FOXK2: variants seen among roughly 807,000 people sequenced by gnomAD.
The protein encoded by FOXK2 is forkhead box protein K2.
A neutral mutation model predicts 53.3 loss-of-function variants in FOXK2; 24 were observed. The ratio of observed to expected loss-of-function variants is 0.45; its 90% confidence interval spans 0.33 to 0.63. The LOEUF is 0.63. Ranked by LOEUF, FOXK2 falls within the 30% of genes least tolerant of loss-of-function variation. The pLI is 0.03. For missense variants in FOXK2, 952 were observed against 910.5 expected, an observed-to-expected ratio of 1.05 and a Z score of -0.59; for synonymous variants, 505 against 407.1, an observed-to-expected ratio of 1.24 and a Z score of -2.89.
At chr17:82,584,921 G>A (rs1043529577) in intron 6 of FOXK2, among the ~76,000 whole-genome samples, 1 of 152,240 alleles carries the variant, frequency 6.6e-6, no homozygotes, top group Admixed American at 6.5e-5. Context: ...GAATAAAAAT[G>A]TGTGCCCTGG....
At chr17:82,576,542 T>A in intron 4 of FOXK2, 1 of 677,808 alleles carries the variant, frequency 1.5e-6, no homozygotes, top group South Asian at 1.7e-5. Flanking sequence ...ATGTATTCTG[T>A]CATCATGAGC....
At chr17:82,531,734 C>A (rs1337048004) in intron 1 of FOXK2, among the ~76,000 whole-genome samples, 1 of 152,218 alleles carries the variant, frequency 6.6e-6, no homozygotes, top group Admixed American at 6.6e-5. Flanking sequence ...TTAGTGTCAG[C>A]AGAGCTTGCA....
rs117692271 is a variant in FOXK2, at chr17:82,571,738, G to A, written c.777G>A (p.Pro259=). ...TTTAAATACAGGATGATTCAAAGCCGCCTTACTCCTACGCGCAGCTGATAG... is the reference window on the plus strand; with the variant it reads ...TTTAAATACAGGATGATTCAAAGCCACCTTACTCCTACGCGCAGCTGATAG... ...GGDSPKDDSK[P]PYSYAQLIVQ... The change falls in exon 4 of 9, where the codon CCG becomes CCA. Residue 259 remains proline, a synonymous_variant. Coordinates refer to ENST00000335255, the MANE Select transcript of FOXK2 (RefSeq NM_004514.4). 1.2e-5 allele frequency: 19 copies of A among 1,555,398 alleles called. 1 individual carries two copies. In the East Asian group the frequency reaches 3.9e-4, roughly 32 times the overall value.
chr17:82,587,341 G>GTTTC lies in FOXK2; in HGVS notation c.1786+70_1786+73dup, dbSNP rs771946949. The GTTTC allele has an allele frequency of 1.8e-5, 23 of 1,249,624 alleles. No homozygotes were observed. The African/African-American group carries it at 3.2e-4, about 18-fold the overall frequency. 77.4% of individuals were successfully genotyped at this position (1,249,624 alleles called of 1,614,324 possible). On this transcript the variant is annotated intron_variant, in intron 8 of 8. Coordinates refer to ENST00000335255, the MANE Select transcript of FOXK2 (RefSeq NM_004514.4). ...GGAGCAGAGCCCCTTCTCACTCGTG[G>GTTTC]TTTCGGTTCTGACTGTAACAATTTT...
intron 3 of FOXK2, among the ~76,000 whole-genome samples, chr17:82,570,596 CCTGT>C (rs541458961): frequency 1.4e-3 from 207 of 152,348 alleles, no homozygotes; most frequent in African/African-American, 4.9e-3. Context: ...ATCCTTGCCT[CCTGT>C]CTGTCAGCCT....
At position 82,586,099 on chromosome 17, in the gene FOXK2, A is replaced by G; in HGVS notation, c.1475A>G (p.Asn492Ser). 6.2e-7 allele frequency: 1 copy of G among 1,612,712 alleles called. No individual in the cohort carries two copies. The highest frequency in any genetic ancestry group is 8.5e-7 in the Non-Finnish European group (1 of 1,179,950). ...VTSVAGLAPA[N>S]TYTVSGQAVV... The stretch of plus-strand genomic sequence containing the variant: ...AGTGTGGCCGGACTGGCCCCAGCGA[A>G]CACGTACACTGTCTCTGGACAAGCT... The change falls in exon 7 of 9, where the codon AAC becomes AGC. Residue 492 changes from asparagine (N) to serine (S), a missense_variant. Asn to Ser is a conservative substitution (Grantham distance 46). Around this residue, in one of 5 missense-constraint regions of FOXK2, gnomAD observed 551 missense variants for 385.1 expected, o/e 1.43. Transcript: ENST00000335255.
Position 82,519,756 on chromosome 17 carries a change from C to T in FOXK2, c.-133C>T, listed in dbSNP as rs1251029197. On this transcript the variant is annotated 5_prime_UTR_variant, in exon 1 of 9. Coordinates refer to ENST00000335255, the MANE Select transcript of FOXK2 (RefSeq NM_004514.4). ...CGCCCCTCGCCGCCGCTCGCTCGCTCGCCGGCCGGCGGCCTCCGCTCGGCC... is the reference window on the plus strand; with the variant it reads ...CGCCCCTCGCCGCCGCTCGCTCGCTTGCCGGCCGGCGGCCTCCGCTCGGCC... 9.5e-6 allele frequency: 2 copies of T among 210,742 alleles called. No individual in the cohort carries two copies. The highest frequency in any genetic ancestry group is 1.6e-4 in the South Asian group (1 of 6,126). The allele number at this position is 210,742 out of a possible 1,614,324, so 13.1% of individuals were successfully genotyped here.
intron 1 of FOXK2, among the ~76,000 whole-genome samples, chr17:82,548,976 T>A (rs1369708089): frequency 2.0e-5 from 3 of 152,154 alleles, no homozygotes; most frequent in South Asian, 2.1e-4. Flanking sequence ...CCATCTGCAC[T>A]AAGATCCCCA....
intron 1 of FOXK2, among the ~76,000 whole-genome samples, chr17:82,549,233 C>T (rs61686708): frequency 6.6e-6 from 1 of 152,162 alleles, no homozygotes; most frequent in Non-Finnish European, 1.5e-5. Context: ...CCTGAGCCAG[C>T]CTTTACCCCA....
rs190970289 is a variant in FOXK2, at chr17:82,597,899, C to T, written c.1787-3404C>T. On this transcript the variant is annotated intron_variant, in intron 8 of 8. Coordinates refer to ENST00000335255, the MANE Select transcript of FOXK2 (RefSeq NM_004514.4). The stretch of plus-strand genomic sequence containing the variant: ...TCCTGACCTCAGGTGATCCGCCCAC[C>T]TTGACCTCCCCAAGTGCTGGGATTA... Among the ~76,000 whole-genome samples, 105 of 152,330 alleles carry T rather than the reference C, an allele frequency of 6.9e-4. 1 individual carries two copies. Among genetic ancestry groups the T allele is most frequent in the Admixed American group, 6.1e-3 (93 of 15,296 alleles).
chr17:82,596,350 C>T (rs2045310371), intron 8 of FOXK2, among the ~76,000 whole-genome samples: 1 of 152,022 alleles, frequency 6.6e-6, no homozygotes, highest in Admixed American at 6.6e-5. Flanking sequence ...CTGTGTTTTC[C>T]ATGCTTGGTG....
At chr17:82,598,944 A>T (rs2045348931) in intron 8 of FOXK2, 1 of 152,050 alleles carries the variant, frequency 6.6e-6, no homozygotes, top group African/African-American at 2.4e-5. Flanking sequence ...CCGACCTAAC[A>T]CGGCTCCTCC....
At chr17:82,543,320 T>C (rs1445047062) in intron 1 of FOXK2, among the ~76,000 whole-genome samples, 1 of 152,222 alleles carries the variant, frequency 6.6e-6, no homozygotes, top group Non-Finnish European at 1.5e-5. Flanking sequence ...GGTGCAGTCA[T>C]AGCTCACTGC....
In FOXK2 at chr17:82,603,911, A is replaced by T. The variant is rs966085906; in HGVS notation, c.*2412A>T. On this transcript the variant is annotated 3_prime_UTR_variant, in exon 9 of 9. Coordinates refer to ENST00000335255, the MANE Select transcript of FOXK2 (RefSeq NM_004514.4). Reference sequence around the variant, plus strand: ...GCAGTAACAAACCATAGATGAGCAGACTCCCACACCGGGTTTTCTTGCCCG... The same window carrying T: ...GCAGTAACAAACCATAGATGAGCAGTCTCCCACACCGGGTTTTCTTGCCCG... 3 of 151,824 alleles carry T rather than the reference A, an allele frequency of 2.0e-5. No individual in the cohort carries two copies. The highest frequency in any genetic ancestry group is 7.3e-5 in the African/African-American group (3 of 41,264). 9.4% of individuals were successfully genotyped at this position (151,824 alleles called of 1,614,324 possible).
At chr17:82,552,582 A>G (rs1261751319) in intron 1 of FOXK2, among the ~76,000 whole-genome samples, 2 of 152,192 alleles carry the variant, frequency 1.3e-5, no homozygotes, top group East Asian at 1.9e-4. Context: ...AGAGCACAGC[A>G]TTAGTGATTT....
intron 8 of FOXK2, chr17:82,596,200 C>T (rs2045308694): frequency 1.0e-6 from 1 of 992,294 alleles, no homozygotes; most frequent in Non-Finnish European, 1.2e-6. Context: ...AGGTCAGTTC[C>T]TGCTTCGCCT....
chr17:82,574,556 G>A (rs1351906787), intron 4 of FOXK2, among the ~76,000 whole-genome samples: 1 of 152,190 alleles, frequency 6.6e-6, no homozygotes, highest in East Asian at 1.9e-4. Context: ...CCGACCTCGG[G>A]TGATCTGCCT....
intron 1 of FOXK2, among the ~76,000 whole-genome samples, chr17:82,527,555 C>G (rs139086776): frequency 1.3e-5 from 2 of 152,078 alleles, no homozygotes; most frequent in African/African-American, 4.8e-5. Flanking sequence ...CTTGAACCCA[C>G]AGGGTGAAGG....
At chr17:82,546,317 G>A (rs551393819) in intron 1 of FOXK2, among the ~76,000 whole-genome samples, 13 of 151,522 alleles carry the variant, frequency 8.6e-5, no homozygotes, top group Admixed American at 1.3e-4. Context: ...GGATTTCGCC[G>A]TGTTGGCCAG....
Sources: gnomAD v4.1 joint callset for allele counts (sites outside exome capture counted in the v4.1 genomes callset) on GRCh38, gnomAD v4.1.1 for gene constraint, gnomAD v4.1.1 regional missense constraint, MANE v1.5 for transcripts, NCBI Gene and HGNC (gene_info 2026-07-23, HGNC 2026-07-21) for gene names.